The following TUT4 variants were observed in gnomAD, a reference collection of about 807,000 sequenced individuals.
TUT4 encodes the protein terminal uridylyltransferase 4.
In TUT4, 36 loss-of-function variants were observed where a neutral mutation model predicts 192.2. The observed-to-expected ratio is 0.19, with a 90% CI of 0.14 to 0.25. The LOEUF (loss-of-function observed/expected upper bound fraction) is 0.25, where lower values mean the gene tolerates loss of function less well. Ranked by LOEUF, TUT4 falls within the 10% of genes least tolerant of loss-of-function variation. TUT4 has a pLI of 1.00. For synonymous variants in TUT4, 618 were observed against 666.0 expected (o/e 0.93, Z 1.11); for missense variants, 1,493 against 1,957.2 (o/e 0.76, Z 4.47).
At chr1:52,493,722 T>C (rs1671762012) in intron 6 of TUT4, 60 bp from the exon 7 acceptor site, 3 of 1,017,702 alleles carry the variant, frequency 2.9e-6, no homozygotes, top group Non-Finnish European at 4.5e-6. Flanking sequence ...AGCAGAACAT[T>C]AAGGAAAACT....
rs1215788264 is a variant in TUT4, at chr1:52,489,504, T to C, written c.1389-469A>G. 2.0e-5 allele frequency among the ~76,000 whole-genome samples: 3 copies of C among 152,192 alleles called. No homozygotes were observed. In the East Asian group the frequency reaches 5.8e-4, roughly 29 times the overall value. On this transcript the variant is annotated intron_variant, in intron 8 of 29. Coordinates refer to ENST00000257177, the MANE Select transcript of TUT4 (RefSeq NM_001009881.3). ...GACTCTAATTTTTCCTATCCAAGCT[T>C]TCACAATTGTACTAATATGTTATTT...
chr1:52,425,478 T>G lies in TUT4; in HGVS notation c.4741A>C (p.Ile1581Leu). The change falls in exon 29 of 30, where the codon ATT (isoleucine) becomes CTT (leucine). Residue 1581 changes from isoleucine to leucine, a missense_variant. This residue lies in a region of TUT4 where 351 missense variants were observed against 397.8 expected (regional missense o/e 0.88). Transcript: ENST00000257177. Reference protein sequence around the residue: ...EPGFRGLTPPIPWEHAPRPHF... With the variant: ...EPGFRGLTPPLPWEHAPRPHF... ...GGACGCGGTGCATGTTCCCAAGGAA[T>G]TGGAGGAGTCAGTCCTCGAAAGCCT... The G allele has an allele frequency of 6.2e-7, 1 of 1,613,790 alleles. No homozygotes were observed. Among genetic ancestry groups the G allele is most frequent in the South Asian group, 1.1e-5 (1 of 91,034 alleles).
At chr1:52,501,771 T>G (rs1160654005) in intron 4 of TUT4, among the ~76,000 whole-genome samples, 2 of 152,204 alleles carry the variant, frequency 1.3e-5, no homozygotes, top group Non-Finnish European at 2.9e-5. Context: ...GGAATATTAT[T>G]CAACCTCAAA....
rs537052354 is a variant in TUT4, at chr1:52,528,741, C to CA, written c.-93-2369dup. On this transcript the variant is annotated intron_variant, in intron 1 of 29. Transcript: ENST00000257177. ...ATCATATAACTTTACATCATATAAA[C>CA]AAAAAAATCCTACCTAAAATAAAGA... is the stretch of plus-strand genomic sequence containing the variant. 4.0e-4 allele frequency among the ~76,000 whole-genome samples: 61 copies of CA among 151,994 alleles called. 1 individual carries two copies. The South Asian group carries it at 7.9e-3, about 20-fold the overall frequency.
intron 24 of TUT4, among the ~76,000 whole-genome samples, chr1:52,441,447 T>C (rs1159479616): frequency 1.5e-5 from 2 of 132,292 alleles, no homozygotes; most frequent in Admixed American, 7.1e-5. Flanking sequence ...CGGCTAAATT[T>C]TTTTTTTTTT....
At chr1:52,499,793 A>C (rs933011240) in intron 4 of TUT4, among the ~76,000 whole-genome samples, 3 of 151,486 alleles carry the variant, frequency 2.0e-5, no homozygotes, top group South Asian at 2.1e-4. Flanking sequence ...CAGAGAGCCC[A>C]GGCCAGGCGT....
At chr1:52,525,365 C>T (rs1358742355) in intron 2 of TUT4, among the ~76,000 whole-genome samples, 198 bp downstream of exon 2, 2 of 146,622 alleles carry the variant, frequency 1.4e-5, no homozygotes, top group East Asian at 2.0e-4. Context: ...AATGAAAAGG[C>T]TTTTTTTTTT....
At chr1:52,446,028 T>A in intron 22 of TUT4, 24 bp from the exon 23 acceptor site, 26 of 1,586,960 alleles carry the variant, frequency 1.6e-5, no homozygotes, top group Non-Finnish European at 2.1e-5. Flanking sequence ...ATATCAATGA[T>A]TAAGAATTAC....
chr1:52,431,940 A>G (rs2148166472), intron 27 of TUT4: 1 of 153,842 alleles, frequency 6.5e-6, no homozygotes, highest in South Asian at 2.0e-4. Flanking sequence ...AAGAATGTAC[A>G]GTGTACAGCT....
chr1:52,496,488 C>T (rs1001369229), intron 5 of TUT4, among the ~76,000 whole-genome samples: 6 of 152,102 alleles, frequency 3.9e-5, no homozygotes, highest in South Asian at 2.1e-4. Context: ...ATAAGTCTTA[C>T]GTCAGATACA....
At chr1:52,482,567 C>G (rs553570693) in intron 9 of TUT4, among the ~76,000 whole-genome samples, 1 of 152,234 alleles carries the variant, frequency 6.6e-6, no homozygotes, top group East Asian at 1.9e-4. Flanking sequence ...GCTGGGACTA[C>G]AGGCATGCAC....
chr1:52,491,762 C>CTT (rs1671217841), intron 7 of TUT4, among the ~76,000 whole-genome samples: 1 of 151,896 alleles, frequency 6.6e-6, no homozygotes, highest in Admixed American at 6.6e-5. Context: ...AAGAAAATTT[C>CTT]TCAATAGTAC....
chr1:52,479,415 C>T (rs2148940201), intron 11 of TUT4, among the ~76,000 whole-genome samples: 1 of 152,138 alleles, frequency 6.6e-6, no homozygotes, highest in East Asian at 1.9e-4. Flanking sequence ...TATCCCAGGC[C>T]AGAGATGATG....
intron 2 of TUT4, among the ~76,000 whole-genome samples, chr1:52,525,035 T>C (rs879360433): frequency 2.0e-4 from 30 of 152,210 alleles, no homozygotes; most frequent in Admixed American, 4.6e-4. Flanking sequence ...ATCTCACTAT[T>C]TAATCATGTG....
intron 2 of TUT4, among the ~76,000 whole-genome samples, chr1:52,518,728 GATTTC>G (rs1427834242): frequency 6.6e-6 from 1 of 152,178 alleles, no homozygotes; most frequent in Non-Finnish European, 1.5e-5. Context: ...CATATTGTAT[GATTTC>G]ATTTCTATGA....
At chr1:52,541,243 C>A (rs1686566352) in intron 1 of TUT4, among the ~76,000 whole-genome samples, 1 of 147,826 alleles carries the variant, frequency 6.8e-6, no homozygotes, top group Non-Finnish European at 1.5e-5. Context: ...AGTAAAACTT[C>A]TACATCAGGC....
chr1:52,539,213 G>T (rs1351367884), intron 1 of TUT4, among the ~76,000 whole-genome samples: 1 of 152,192 alleles, frequency 6.6e-6, no homozygotes, highest in Non-Finnish European at 1.5e-5. Context: ...CATTTTGAAT[G>T]ATATGAATAG....
At position 52,423,822 on chromosome 1, in the gene TUT4, A is replaced by G; in HGVS notation, c.*113T>C. The G allele has an allele frequency of 1.3e-6, 2 of 1,550,430 alleles. No individual in the cohort carries two copies. Among genetic ancestry groups the G allele is most frequent in the Non-Finnish European group, 1.7e-6 (2 of 1,147,202 alleles). On this transcript the variant is annotated 3_prime_UTR_variant, in exon 30 of 30. Coordinates refer to ENST00000257177, the MANE Select transcript of TUT4 (RefSeq NM_001009881.3). ...CCTGATTTGTTTTGCTTTCCATTAA[A>G]TGTCACTTTTTCTGCTGAATGTAAC... is the stretch of plus-strand genomic sequence containing the variant.
At chr1:52,527,375 G>GT (rs930426055) in intron 1 of TUT4, among the ~76,000 whole-genome samples, 41 of 152,150 alleles carry the variant, frequency 2.7e-4, no homozygotes, top group African/African-American at 9.9e-4. Flanking sequence ...GTGAAACCCT[G>GT]TCTCTACTAA....
Sources: gnomAD v4.1 joint callset for allele counts (sites outside exome capture counted in the v4.1 genomes callset) on GRCh38, gnomAD v4.1.1 for gene constraint, gnomAD v4.1.1 regional missense constraint, MANE v1.5 for transcripts, NCBI Gene and HGNC (gene_info 2026-07-23, HGNC 2026-07-21) for gene names.